Variants in CAMK1D observed in about 807,000 individuals in gnomAD.
CAMK1D encodes the protein calcium/calmodulin-dependent protein kinase type 1D.
Under a neutral mutation model 47.7 loss-of-function variants are expected in CAMK1D, and 9 were observed. The observed-to-expected ratio is 0.19, with a 90% CI of 0.11 to 0.33. The LOEUF (loss-of-function observed/expected upper bound fraction) is 0.33. Ranked by LOEUF, CAMK1D falls within the 10% of genes least tolerant of loss-of-function variation. The pLI is 1.00. For synonymous variants in CAMK1D, 184 were observed against 184.9 expected, an observed-to-expected ratio of 0.99 and a Z score of 0.04; for missense variants, 291 against 488.7, an observed-to-expected ratio of 0.60 and a Z score of 3.81.
Position 12,816,236 on chromosome 10 carries a change from T to C in CAMK1D, c.755-14T>C, listed in dbSNP as rs759247589. On this transcript the variant is annotated splice_polypyrimidine_tract_variant and intron_variant, in intron 7 of 10. Coordinates refer to ENST00000619168, the MANE Select transcript of CAMK1D (RefSeq NM_153498.4). ...GCAAAGTGATTCCTTCCCTTGTGCCTTCTTTTTGAACAGCAAAAGACTTCA... is the reference window on the plus strand; with the variant it reads ...GCAAAGTGATTCCTTCCCTTGTGCCCTCTTTTTGAACAGCAAAAGACTTCA... 2.1e-5 allele frequency: 34 copies of C among 1,612,112 alleles called. No individual in the cohort carries two copies. The Admixed American group carries it at 5.2e-4, about 25-fold the overall frequency.
intron 1 of CAMK1D, among the ~76,000 whole-genome samples, chr10:12,404,045 C>T: frequency 6.7e-6 from 1 of 150,306 alleles, no homozygotes; most frequent in African/African-American, 2.4e-5. Flanking sequence ...TTGAGCTTTT[C>T]TTTTTCTTTT....
chr10:12,438,130 A>G (rs928233811), intron 1 of CAMK1D, among the ~76,000 whole-genome samples: 7 of 152,348 alleles, frequency 4.6e-5, no homozygotes, highest in South Asian at 2.1e-4. Flanking sequence ...GTGCCAGCCA[A>G]GGGCCAACCT....
intron 8 of CAMK1D, 68 bp from the exon 9 acceptor site, chr10:12,824,397 C>G: frequency 7.2e-7 from 1 of 1,381,410 alleles, no homozygotes; most frequent in Non-Finnish European, 1.0e-6. Flanking sequence ...GTAAGACTCC[C>G]CTTTATGGGA....
chr10:12,805,194 G>C (rs187278313), intron 6 of CAMK1D, among the ~76,000 whole-genome samples: 1 of 151,080 alleles, frequency 6.6e-6, no homozygotes, highest in Non-Finnish European at 1.5e-5. Flanking sequence ...AGGAGGTAGA[G>C]GTTGCAGTGA....
At chr10:12,627,156 A>G (rs1340522133) in intron 2 of CAMK1D, among the ~76,000 whole-genome samples, 4 of 142,242 alleles carry the variant, frequency 2.8e-5, no homozygotes, top group Admixed American at 7.6e-5. Context: ...ATCTCCGCTC[A>G]CTGCAAGCTC....
chr10:12,652,702 AG>A (rs1208066052), intron 2 of CAMK1D, among the ~76,000 whole-genome samples: 1 of 152,202 alleles, frequency 6.6e-6, no homozygotes, highest in Non-Finnish European at 1.5e-5. Context: ...TACACTAGGA[AG>A]TTTCTTGAGT....
At chr10:12,460,835 G>C (rs1346216722) in intron 1 of CAMK1D, among the ~76,000 whole-genome samples, 1 of 152,166 alleles carries the variant, frequency 6.6e-6, no homozygotes, top group Non-Finnish European at 1.5e-5. Context: ...CCAAAGTGCT[G>C]GGATTACAGG....
chr10:12,593,682 AT>A (rs532344084), intron 2 of CAMK1D, among the ~76,000 whole-genome samples: 191 of 152,002 alleles, frequency 1.3e-3, no homozygotes, highest in African/African-American at 4.4e-3. Flanking sequence ...AGCTATTGGA[AT>A]TTTTTTTTAA....
intron 3 of CAMK1D, among the ~76,000 whole-genome samples, chr10:12,751,666 C>T (rs1835992659): frequency 6.6e-6 from 1 of 152,148 alleles, no homozygotes; most frequent in Non-Finnish European, 1.5e-5. Context: ...CTCATCTGGT[C>T]TAGGGGTCAG....
At chr10:12,738,688 C>T (rs983475910) in intron 3 of CAMK1D, among the ~76,000 whole-genome samples, 5 of 151,868 alleles carry the variant, frequency 3.3e-5, no homozygotes, top group East Asian at 1.9e-4. Context: ...AAAAATTAGC[C>T]GGGCGTGGTG....
At chr10:12,541,952 T>C (rs1836208494) in intron 1 of CAMK1D, among the ~76,000 whole-genome samples, 1 of 151,424 alleles carries the variant, frequency 6.6e-6, no homozygotes, top group African/African-American at 2.4e-5. Context: ...CACAGCTTAC[T>C]GCAGCCTCAG....
chr10:12,362,484 TTTTG>T (rs1178710030), intron 1 of CAMK1D, among the ~76,000 whole-genome samples: 4 of 108,478 alleles, frequency 3.7e-5, no homozygotes, highest in Non-Finnish European at 6.2e-5. Flanking sequence ...CCCATGTACT[TTTTG>T]TTTTTTGTTT....
chr10:12,812,639 C>T (rs1832652458), intron 6 of CAMK1D, among the ~76,000 whole-genome samples: 1 of 152,084 alleles, frequency 6.6e-6, no homozygotes, highest in African/African-American at 2.4e-5. Flanking sequence ...AAAAAAAGAA[C>T]TGCCACCGTG....
At chr10:12,594,529 A>G (rs45480401) in intron 2 of CAMK1D, among the ~76,000 whole-genome samples, 6,473 of 152,250 alleles carry the variant, frequency 0.043, 172 homozygotes, top group Middle Eastern at 0.082. Context: ...GTCAGACAGA[A>G]TGTGGAACCA....
intron 6 of CAMK1D, among the ~76,000 whole-genome samples, chr10:12,800,921 T>C (rs2493765): frequency 0.48 from 73,485 of 151,936 alleles, 19,664 homozygotes; most frequent in African/African-American, 0.71. Flanking sequence ...TCAGGGTGTA[T>C]GGTTGTTAGT....
intron 1 of CAMK1D, among the ~76,000 whole-genome samples, chr10:12,468,982 G>C (rs1333544410): frequency 6.6e-6 from 1 of 152,154 alleles, no homozygotes. Flanking sequence ...GCCCTCAGCA[G>C]TCTACATAGC....
intron 1 of CAMK1D, among the ~76,000 whole-genome samples, chr10:12,527,440 C>T (rs1376316872): frequency 2.7e-5 from 4 of 150,262 alleles, no homozygotes; most frequent in East Asian, 2.0e-4. Context: ...CTGCAACCTC[C>T]GCCTCCCAGG....
At chr10:12,787,562 C>T (rs557199182) in intron 5 of CAMK1D, among the ~76,000 whole-genome samples, 1 of 152,324 alleles carries the variant, frequency 6.6e-6, no homozygotes, top group Admixed American at 6.5e-5. Flanking sequence ...TCTTCCTTGG[C>T]TAGGGCATCC....
At chr10:12,706,966 C>T (rs1218030296) in intron 3 of CAMK1D, among the ~76,000 whole-genome samples, 2 of 152,088 alleles carry the variant, frequency 1.3e-5, no homozygotes, top group Non-Finnish European at 2.9e-5. Context: ...ATGAAGGTAT[C>T]TGGGATTTTA....
Sources: gnomAD v4.1 joint callset for allele counts (sites outside exome capture counted in the v4.1 genomes callset) on GRCh38, gnomAD v4.1.1 for gene constraint, MANE v1.5 for transcripts, NCBI Gene and HGNC (gene_info 2026-07-23, HGNC 2026-07-21) for gene names.